Variants in OPA3 observed in about 807,000 individuals in gnomAD.
The protein encoded by OPA3 is optic atrophy 3 protein.
OPA3 carries 6 observed loss-of-function variants against 4.0 expected under a neutral mutation model. That is an observed-to-expected ratio of 1.51 (90% confidence interval 0.83 to 2.99). The LOEUF is 2.99. Ranked by LOEUF, OPA3 falls within the 30% of genes most tolerant of loss-of-function variation. OPA3 has a pLI of 0.00. For missense variants in OPA3, 235 were observed against 256.2 expected, an observed-to-expected ratio of 0.92 and a Z score of 0.56; for synonymous variants, 105 against 117.1, an observed-to-expected ratio of 0.90 and a Z score of 0.67.
At position 45,584,429 on chromosome 19, in the gene OPA3, G is replaced by A. The variant is rs184511563; in HGVS notation, c.142+194C>T. ...TACTCGCGTGGTGGCTCCTTGACCCGCCCCTTACGCCCCGCCCCGCCCTCA... is the reference window on the plus strand; with the variant it reads ...TACTCGCGTGGTGGCTCCTTGACCCACCCCTTACGCCCCGCCCCGCCCTCA... On this transcript the variant is annotated intron_variant, in intron 1 of 1. Coordinates refer to ENST00000263275, the MANE Select transcript of OPA3 (RefSeq NM_025136.4). 367 of 982,734 alleles carry A rather than the reference G, an allele frequency of 3.7e-4. 1 individual carries two copies. In the African/African-American group the frequency reaches 5.4e-3, roughly 15 times the overall value. 60.9% of individuals were successfully genotyped at this position (982,734 alleles called of 1,614,324 possible).
downstream of OPA3, among the ~76,000 whole-genome samples, chr19:45,544,811 T>TAAATAAATAAAC (rs1051378323): frequency 4.5e-5 from 6 of 132,596 alleles, no homozygotes; most frequent in African/African-American, 1.7e-4. Flanking sequence ...AATAAATAAA[T>TAAATAAATAAAC]AAATAAATAA....
Position 45,572,509 on chromosome 19 carries a change from C to A in OPA3, c.142+12114G>T, listed in dbSNP as rs1969691298. 6.6e-5 allele frequency among the ~76,000 whole-genome samples: 8 copies of A among 121,602 alleles called. No homozygotes were observed. The South Asian group carries it at 1.6e-3, about 24-fold the overall frequency. 79.8% of individuals were successfully genotyped at this position (121,602 alleles called of 152,430 possible). Reference sequence around the variant, plus strand: ...ATATCGAGATATATGAGATATATATCATATATGAGATATGAGATATATATA... The same window carrying A: ...ATATCGAGATATATGAGATATATATAATATATGAGATATGAGATATATATA... On this transcript the variant is annotated intron_variant, in intron 1 of 1. Coordinates refer to ENST00000263275, the MANE Select transcript of OPA3 (RefSeq NM_025136.4).
At chr19:45,539,413 G>A (rs1040818717) in intron 1 of OPA3, among the ~76,000 whole-genome samples, 12 of 152,036 alleles carry the variant, frequency 7.9e-5, no homozygotes, top group African/African-American at 2.2e-4. Flanking sequence ...GCAACATGGC[G>A]AAACCCCTTC....
At chr19:45,579,932 C>G (rs1030058955) in intron 1 of OPA3, among the ~76,000 whole-genome samples, 8 of 151,858 alleles carry the variant, frequency 5.3e-5, no homozygotes, top group African/African-American at 1.7e-4. Context: ...CCCAAAGTCA[C>G]CAGTCTGGGT....
At chr19:45,584,359 G>A (rs1056397618) in intron 1 of OPA3, 7 of 985,162 alleles carry the variant, frequency 7.1e-6, no homozygotes, top group Non-Finnish European at 7.2e-6. Flanking sequence ...GTTTAACAGG[G>A]CATCAGTCTC....
rs1410982707 is a variant in OPA3, at chr19:45,547,346, C to CA, written c.*6167_*6168insT. On this transcript the variant is annotated 3_prime_UTR_variant, in exon 2 of 2. Transcript: ENST00000263275. Reference sequence around the variant, plus strand: ...TCTGTGCAAATACTCAGCTCTGTCACTGTACTGCAAAAGCAACTGTGGAAA... The same window carrying CA: ...TCTGTGCAAATACTCAGCTCTGTCACATGTACTGCAAAAGCAACTGTGGAAA... 1.3e-5 allele frequency: 2 copies of CA among 152,244 alleles called. No homozygotes were observed. Among genetic ancestry groups the CA allele is most frequent in the African/African-American group, 4.8e-5 (2 of 41,466 alleles). The allele number at this position is 152,244 out of a possible 1,614,324, so 9.4% of individuals were successfully genotyped here.
In OPA3 at chr19:45,584,622, C is replaced by G; in HGVS notation, c.142+1G>C. ...TTGGAGGGAATTCGGGTCAGACTCA[C>G]GTTGAGCCGGCGGGAGGCAGATATA... On this transcript the variant is annotated splice_donor_variant, in intron 1 of 1. Coordinates refer to ENST00000263275, the MANE Select transcript of OPA3 (RefSeq NM_025136.4). LOFTEE classifies it high-confidence loss of function. The G allele has an allele frequency of 1.2e-6, 2 of 1,614,188 alleles. No homozygotes were observed. The highest frequency in any genetic ancestry group is 8.5e-7 in the Non-Finnish European group (1 of 1,180,020).
downstream of OPA3, among the ~76,000 whole-genome samples, chr19:45,545,921 C>A (rs999041189): frequency 6.6e-6 from 1 of 151,800 alleles, no homozygotes; most frequent in Non-Finnish European, 1.5e-5. Context: ...ACCATGTTGC[C>A]CAGGCTGGTC....
rs140768237 is a variant in OPA3 at position 45,558,916 on chromosome 19, T to A, written c.143-5005A>T. ...TTTTTTTTTTGATACAGAGTCTTGC[T>A]CTTGTTGCCCAGGCTGGAGTGCAGT... On this transcript the variant is annotated intron_variant, in intron 1 of 1. Coordinates refer to ENST00000263275, the MANE Select transcript of OPA3 (RefSeq NM_025136.4). Among the ~76,000 whole-genome samples the A allele has an allele frequency of 9.9e-5, 15 of 151,682 alleles. No homozygotes were observed. In the East Asian group the frequency reaches 2.7e-3, roughly 27 times the overall value.
At chr19:45,579,712 C>G (rs1020742321) in intron 1 of OPA3, among the ~76,000 whole-genome samples, 4 of 151,960 alleles carry the variant, frequency 2.6e-5, no homozygotes, top group Non-Finnish European at 1.5e-5. Flanking sequence ...ATATTATTTA[C>G]AGCATAATGC....
intron 1 of OPA3, among the ~76,000 whole-genome samples, chr19:45,561,127 A>C (rs1291378252): frequency 6.6e-6 from 1 of 152,164 alleles, no homozygotes; most frequent in African/African-American, 2.4e-5. Flanking sequence ...TGAGGTCGGG[A>C]GTTCAAGACC....
Position 45,549,344 on chromosome 19 carries a change from A to G in OPA3, c.*4170T>C. ...GGGGAAGTAGATGGCCCTGCTGCCCACGATGACTGGCTGCCTGTCAGGGCA... is the reference window on the plus strand; with the variant it reads ...GGGGAAGTAGATGGCCCTGCTGCCCGCGATGACTGGCTGCCTGTCAGGGCA... On this transcript the variant is annotated 3_prime_UTR_variant, in exon 2 of 2. Transcript: ENST00000263275. 1 of 967,154 alleles carries G rather than the reference A, an allele frequency of 1.0e-6. No individual in the cohort carries two copies. The highest frequency in any genetic ancestry group is 1.2e-6 in the Non-Finnish European group (1 of 825,608). 59.9% of individuals were successfully genotyped at this position (967,154 alleles called of 1,614,324 possible). A position where few individuals can be genotyped will look rare whatever the true frequency, so the allele number is the denominator to read the frequency against.
chr19:45,572,680 CT>C (rs1377638837), intron 1 of OPA3, among the ~76,000 whole-genome samples: 31 of 118,326 alleles, frequency 2.6e-4, no homozygotes, highest in African/African-American at 6.7e-4. Flanking sequence ...AGATATATAT[CT>C]ATATATATCA....
chr19:45,574,215 A>G (rs1370052428), intron 1 of OPA3, among the ~76,000 whole-genome samples: 2 of 151,490 alleles, frequency 1.3e-5, no homozygotes, highest in Non-Finnish European at 2.9e-5. Flanking sequence ...AACATGGTGA[A>G]ACCCCGTCTC....
downstream of OPA3, among the ~76,000 whole-genome samples, chr19:45,542,376 A>C (rs995051661): frequency 6.6e-6 from 1 of 152,198 alleles, no homozygotes; most frequent in Admixed American, 6.5e-5. Context: ...GTCATTGTGC[A>C]AACATCACAG....
chr19:45,570,982 G>GGC (rs199521201), intron 1 of OPA3, among the ~76,000 whole-genome samples: 6 of 137,172 alleles, frequency 4.4e-5, no homozygotes, highest in Non-Finnish European at 9.4e-5. Context: ...ACTATTTGGG[G>GGC]GGGGGGGGCA....
Position 45,530,108 on chromosome 19 carries a change from C to T in OPA3, c.143-652G>A, listed in dbSNP as rs567511257. Among the ~76,000 whole-genome samples, 205 of 152,274 alleles carry T rather than the reference C, an allele frequency of 1.3e-3. 1 individual carries two copies. Among genetic ancestry groups the T allele is most frequent in the Middle Eastern group, 6.8e-3 (2 of 294 alleles). ...GTGGCTCATGCCTGTAATCCCAGCA[C>T]TTTGAGAGGCCGAGGTGGGTGGCTC... On this transcript the variant is annotated intron_variant, in intron 1 of 1. Transcript: ENST00000323060.
chr19:45,562,838 C>A (rs1374755217), intron 1 of OPA3, among the ~76,000 whole-genome samples: 2 of 152,086 alleles, frequency 1.3e-5, no homozygotes, highest in Non-Finnish European at 2.9e-5. Flanking sequence ...TTTCCTGGGT[C>A]GCCTCATTGC....
At chr19:45,557,227 C>T (rs934606745) in intron 1 of OPA3, among the ~76,000 whole-genome samples, 2 of 152,182 alleles carry the variant, frequency 1.3e-5, no homozygotes, top group African/African-American at 4.8e-5. Context: ...GGCACATACC[C>T]AGGCCACAGG....
Sources: gnomAD v4.1 joint callset for allele counts (sites outside exome capture counted in the v4.1 genomes callset) on GRCh38, gnomAD v4.1.1 for gene constraint, MANE v1.5 for transcripts, NCBI Gene and HGNC (gene_info 2026-07-23, HGNC 2026-07-21) for gene names.